RIPOR2: variants seen among roughly 807,000 people sequenced by gnomAD.
The protein encoded by RIPOR2 is rho family-interacting cell polarization regulator 2.
In RIPOR2, 39 loss-of-function variants were observed where a neutral mutation model predicts 114.5. The observed-to-expected ratio is 0.34, with a 90% CI of 0.26 to 0.44. The LOEUF (loss-of-function observed/expected upper bound fraction) is 0.44. RIPOR2 is among the 20% of genes least tolerant of loss of function. The pLI, the probability that RIPOR2 is intolerant of heterozygous loss-of-function variation, is 1.00. For missense variants in RIPOR2, 1,007 were observed against 1,255.1 expected, an observed-to-expected ratio of 0.80 and a Z score of 2.99; for synonymous variants, 445 against 484.4, an observed-to-expected ratio of 0.92 and a Z score of 1.07.
intron 1 of RIPOR2, chr6:25,015,384 C>T (rs1775922949): frequency 6.6e-6 from 1 of 152,232 alleles, no homozygotes; most frequent in African/African-American, 2.4e-5. Context: ...ATTTACACAT[C>T]AGCTTCTGAA....
chr6:24,864,298 C>A (rs1764367158), intron 7 of RIPOR2, among the ~76,000 whole-genome samples: 1 of 152,056 alleles, frequency 6.6e-6, no homozygotes, highest in Non-Finnish European at 1.5e-5. Flanking sequence ...CCACTGCACT[C>A]CAGCCTGTGT....
chr6:24,910,879 C>A (rs1424418985), intron 1 of RIPOR2: 1 of 985,286 alleles, frequency 1.0e-6, no homozygotes, highest in African/African-American at 1.7e-5. Context: ...CATATAAAAG[C>A]CTCCGCACCA....
chr6:24,927,264 C>T (rs58270299), intron 1 of RIPOR2, among the ~76,000 whole-genome samples: 14,121 of 14,602 alleles, frequency 0.97, 6,846 homozygotes, highest in Middle Eastern at 1. Flanking sequence ...CCACCACCAC[C>T]ACAGCTACAA....
At chr6:25,025,369 A>G (rs57389214) in intron 1 of RIPOR2, among the ~76,000 whole-genome samples, 5,665 of 152,236 alleles carry the variant, frequency 0.037, 343 homozygotes, top group African/African-American at 0.13. Flanking sequence ...TTGGATTTCT[A>G]TAGAAACTCT....
intron 1 of RIPOR2, among the ~76,000 whole-genome samples, chr6:25,010,188 A>G (rs550601203): frequency 5.9e-5 from 9 of 152,250 alleles, no homozygotes; most frequent in Non-Finnish European, 8.8e-5. Flanking sequence ...GGCCTAATGG[A>G]GGTGTTTGGC....
At chr6:24,992,213 C>T (rs1002208117) in intron 1 of RIPOR2, among the ~76,000 whole-genome samples, 4 of 152,204 alleles carry the variant, frequency 2.6e-5, no homozygotes, top group Admixed American at 2.0e-4. Context: ...TTGGAGTCCA[C>T]TTGGCTTGAG....
At chr6:24,868,967 G>A in intron 6 of RIPOR2, 127 bp downstream of exon 6, 1 of 540,850 alleles carries the variant, frequency 1.8e-6, no homozygotes, top group South Asian at 2.9e-5. Context: ...TGACGTAATT[G>A]CTAGTCAGCT....
intron 8 of RIPOR2, among the ~76,000 whole-genome samples, chr6:24,855,443 T>C (rs1333888703): frequency 6.6e-6 from 1 of 152,154 alleles, no homozygotes; most frequent in African/African-American, 2.4e-5. Flanking sequence ...TAAATAGAGA[T>C]TGAAGAAGAC....
intron 2 of RIPOR2, among the ~76,000 whole-genome samples, chr6:24,874,710 T>C (rs1374607868): frequency 6.6e-6 from 1 of 152,214 alleles, no homozygotes; most frequent in Non-Finnish European, 1.5e-5. Context: ...ACATGCACTA[T>C]GCAATTTTAG....
intron 1 of RIPOR2, among the ~76,000 whole-genome samples, chr6:24,979,777 A>G (rs1231550275): frequency 6.6e-6 from 1 of 152,196 alleles, no homozygotes; most frequent in Non-Finnish European, 1.5e-5. Flanking sequence ...AATTAAAAGC[A>G]CAGGTTTTAA....
rs996923581 is a variant in RIPOR2, at chr6:24,845,117, T to C, written c.1165-1563A>G. Among the ~76,000 whole-genome samples the C allele has an allele frequency of 2.6e-5, 4 of 152,064 alleles. No homozygotes were observed. In the East Asian group the frequency reaches 7.7e-4, roughly 29 times the overall value. On this transcript the variant is annotated intron_variant, in intron 12 of 21. Coordinates refer to ENST00000643898, the MANE Select transcript of RIPOR2 (RefSeq NM_001286445.3). Reference sequence around the variant, plus strand: ...CAGGACGAGTGAAATGATGTGTCACTGGACACTTGAGTAACCTCTACAAGC... The same window carrying C: ...CAGGACGAGTGAAATGATGTGTCACCGGACACTTGAGTAACCTCTACAAGC...
At chr6:24,985,032 T>C (rs982864313) in intron 1 of RIPOR2, among the ~76,000 whole-genome samples, 2 of 152,218 alleles carry the variant, frequency 1.3e-5, no homozygotes, top group East Asian at 1.9e-4. Flanking sequence ...AAAAGAGCAC[T>C]GGACTTGGGT....
rs1341227253 is a variant in RIPOR2, at chr6:25,037,760, T to A, written c.76+4091A>T. Among the ~76,000 whole-genome samples, 2 of 152,020 alleles carry A rather than the reference T, an allele frequency of 1.3e-5. No individual in the cohort carries two copies. The highest frequency in any genetic ancestry group is 2.4e-5 in the African/African-American group (1 of 41,436). ...GGCTTAGGGAAGATGAACTTTGGGA[T>A]CCATTGCTTTACTATGAGTTTAATT... On this transcript the variant is annotated intron_variant, in intron 1 of 13. Coordinates refer to the RIPOR2 transcript ENST00000510784. This position sits in a 1 kb window ranked among gnomAD's most constrained non-coding sequence, Gnocchi z 4.5.
At chr6:24,862,522 T>C (rs1581634731) in intron 7 of RIPOR2, among the ~76,000 whole-genome samples, 4 of 152,326 alleles carry the variant, frequency 2.6e-5, no homozygotes, top group African/African-American at 9.6e-5. Context: ...GCTTTTTCCC[T>C]TGTAAATTCT....
chr6:24,819,232 T>G (rs1759447040), intron 19 of RIPOR2, among the ~76,000 whole-genome samples: 1 of 152,064 alleles, frequency 6.6e-6, no homozygotes. Context: ...AGAAATGTAT[T>G]AGGTCCCATA....
rs1468091508 is a variant in RIPOR2 at position 24,959,898 on chromosome 6, G to T, written c.76+81953C>A. 2.6e-5 allele frequency among the ~76,000 whole-genome samples: 4 copies of T among 152,188 alleles called. No homozygotes were observed. The East Asian group carries it at 7.7e-4, about 29-fold the overall frequency. On this transcript the variant is annotated intron_variant, in intron 1 of 13. Coordinates refer to the RIPOR2 transcript ENST00000510784. ...GGGGTCAATGTTATGCCACCTTTTG[G>T]CCAACAGACCTAAGCCACACTCTCC...
At chr6:25,007,766 G>T (rs1413517745) in intron 1 of RIPOR2, among the ~76,000 whole-genome samples, 1 of 151,442 alleles carries the variant, frequency 6.6e-6, no homozygotes, top group Non-Finnish European at 1.5e-5. Context: ...TTACATCCAT[G>T]CCCAGGCTTT....
intron 1 of RIPOR2, among the ~76,000 whole-genome samples, chr6:25,009,511 T>C (rs188254857): frequency 4.6e-5 from 7 of 152,334 alleles, no homozygotes; most frequent in Admixed American, 3.9e-4. Flanking sequence ...ATTTTAACTT[T>C]GATCAAACTT....
At chr6:24,894,620 A>G (rs1470986084) in intron 1 of RIPOR2, among the ~76,000 whole-genome samples, 1 of 152,216 alleles carries the variant, frequency 6.6e-6, no homozygotes, top group Non-Finnish European at 1.5e-5. Context: ...CAGTGCTCAC[A>G]TGGTTTAAGA....
Sources: gnomAD v4.1 joint callset for allele counts (sites outside exome capture counted in the v4.1 genomes callset) on GRCh38, gnomAD v4.1.1 for gene constraint, Gnocchi (gnomAD v3.1) non-coding constraint, MANE v1.5 for transcripts, NCBI Gene and HGNC (gene_info 2026-07-23, HGNC 2026-07-21) for gene names.